The following SEC24D variants were observed in gnomAD, a reference collection of about 807,000 sequenced individuals.
The protein encoded by SEC24D is protein transport protein Sec24D.
A neutral mutation model predicts 116.9 loss-of-function variants in SEC24D; 69 were observed. The ratio of observed to expected loss-of-function variants is 0.59; its 90% CI spans 0.49 to 0.72. The LOEUF (loss-of-function observed/expected upper bound fraction) is 0.72. Ranked by LOEUF, SEC24D falls within the 30% of genes least tolerant of loss-of-function variation. The probability of loss-of-function intolerance (pLI) is 0.00; values close to 1 mark genes in which losing one functional copy is unlikely to be tolerated. For missense variants in SEC24D, 1,131 were observed against 1,264.1 expected (o/e 0.89, Z 1.60); for synonymous variants, 405 against 442.8 (o/e 0.91, Z 1.07).
chr4:118,777,720 CCCA>C (rs1364459282), intron 8 of SEC24D, among the ~76,000 whole-genome samples: 5 of 152,220 alleles, frequency 3.3e-5, no homozygotes, highest in Admixed American at 3.3e-4. Flanking sequence ...AGTTTACACT[CCCA>C]CCAACAGTGT....
rs1302160296 is a variant in SEC24D at position 118,739,139 on chromosome 4, A to G, written c.2377+10T>C. ...AGGTTTACTGAACCTCAGGATTGGC[A>G]AAGTGTTACCTGACTTGGCAAAGAA... is the stretch of plus-strand genomic sequence containing the variant. On this transcript the variant is annotated intron_variant, in intron 18 of 22. Coordinates refer to ENST00000280551, the MANE Select transcript of SEC24D (RefSeq NM_014822.4). 5 of 1,612,964 alleles carry G rather than the reference A, an allele frequency of 3.1e-6. No homozygotes were observed. Among genetic ancestry groups the G allele is most frequent in the Non-Finnish European group, 4.2e-6 (5 of 1,179,282 alleles).
intron 2 of SEC24D, chr4:118,833,365 C>T (rs1333565083): frequency 7.3e-6 from 3 of 408,512 alleles, no homozygotes; most frequent in Non-Finnish European, 1.3e-5. Flanking sequence ...TTGTTTTAGT[C>T]TATATTTAAA....
At chr4:118,759,657 C>G (rs1322813929) in intron 10 of SEC24D, among the ~76,000 whole-genome samples, 1 of 152,172 alleles carries the variant, frequency 6.6e-6, no homozygotes, top group Non-Finnish European at 1.5e-5. Flanking sequence ...CACTTTGGCT[C>G]TCTTAGCTGC....
intron 8 of SEC24D, among the ~76,000 whole-genome samples, chr4:118,793,569 G>A (rs910615046): frequency 3.3e-5 from 5 of 151,070 alleles, no homozygotes; most frequent in African/African-American, 1.2e-4. Context: ...ATTCCCTAAT[G>A]TTGGTGGCTC....
chr4:118,726,630 C>T (rs1345092736), intron 22 of SEC24D, among the ~76,000 whole-genome samples: 1 of 151,852 alleles, frequency 6.6e-6, no homozygotes, highest in Non-Finnish European at 1.5e-5. Flanking sequence ...GGAAAAGGGC[C>T]AATGGGAAAG....
chr4:118,791,367 G>A lies in SEC24D; in HGVS notation c.1041+6316C>T, dbSNP rs576225917. 6.6e-5 allele frequency among the ~76,000 whole-genome samples: 10 copies of A among 152,222 alleles called. No individual in the cohort carries two copies. The South Asian group carries it at 2.1e-3, about 32-fold the overall frequency. On this transcript the variant is annotated intron_variant, in intron 8 of 22. Coordinates refer to ENST00000280551, the MANE Select transcript of SEC24D (RefSeq NM_014822.4). ...GCACTTTAGACACCAGAGTCTCTGT[G>A]GTTTTGCATCCTAGCTTTGCTATTT...
chr4:118,803,661 G>A (rs1177272604), intron 7 of SEC24D, among the ~76,000 whole-genome samples: 1 of 152,146 alleles, frequency 6.6e-6, no homozygotes, highest in Non-Finnish European at 1.5e-5. Context: ...TTTCTGAATA[G>A]AGGCAGTGAA....
At chr4:118,835,786 G>T (rs1055000183) in intron 1 of SEC24D, among the ~76,000 whole-genome samples, 155 bp downstream of exon 1, 1 of 152,196 alleles carries the variant, frequency 6.6e-6, no homozygotes, top group Non-Finnish European at 1.5e-5. Flanking sequence ...GCACTAGAAG[G>T]CTAAAGAACA....
At chr4:118,794,453 G>C (rs1323108101) in intron 8 of SEC24D, among the ~76,000 whole-genome samples, 1 of 152,122 alleles carries the variant, frequency 6.6e-6, no homozygotes, top group Non-Finnish European at 1.5e-5. Context: ...TTAACAAGGT[G>C]CAGCCAAAAC....
intron 19 of SEC24D, 140 bp from the exon 20 acceptor site, chr4:118,733,052 C>G (rs1440576796): frequency 4.5e-6 from 3 of 671,066 alleles, no homozygotes; most frequent in Non-Finnish European, 7.6e-6. Context: ...TGTAAAACAC[C>G]TAGAGCACAC....
chr4:118,835,974 G>C lies in SEC24D; in HGVS notation c.-75C>G, dbSNP rs1731080130. 6.6e-6 allele frequency: 1 copy of C among 152,190 alleles called. No homozygotes were observed. Among genetic ancestry groups the C allele is most frequent in the African/African-American group, 2.4e-5 (1 of 41,440 alleles). 9.4% of individuals were successfully genotyped at this position (152,190 alleles called of 1,614,324 possible). Reference sequence around the variant, plus strand: ...GCTCCCGCACCCCGCGGGCTTCCGAGCGCTGGCGGCTCTGCGCCTAGTGCC... The same window carrying C: ...GCTCCCGCACCCCGCGGGCTTCCGACCGCTGGCGGCTCTGCGCCTAGTGCC... On this transcript the variant is annotated 5_prime_UTR_variant, in exon 1 of 23. Coordinates refer to ENST00000280551, the MANE Select transcript of SEC24D (RefSeq NM_014822.4).
chr4:118,743,232 T>A (rs1726323542), intron 15 of SEC24D, among the ~76,000 whole-genome samples: 1 of 152,126 alleles, frequency 6.6e-6, no homozygotes, highest in Non-Finnish European at 1.5e-5. Flanking sequence ...AATATATTTT[T>A]CTCCATTATG....
rs1433083224 is a variant in SEC24D, at chr4:118,738,314, G to A, written c.2443C>T (p.His815Tyr). 6.2e-7 allele frequency: 1 copy of A among 1,613,454 alleles called. No homozygotes were observed. The highest frequency in any genetic ancestry group is 8.5e-7 in the Non-Finnish European group (1 of 1,179,616). ...TTCTTCCGGTAACATGCCAACATAT[G>A]GGCAGTCTGATTAACTAGAATTTCC... ...IREILVNQTAHMLACYRKNCA... is the reference protein window; with the variant it reads ...IREILVNQTAYMLACYRKNCA... Residue 815 changes from histidine (H) to tyrosine (Y), a missense_variant, in exon 19 of 23, where the codon CAT becomes TAT. Transcript: ENST00000280551.
intron 19 of SEC24D, chr4:118,736,613 A>C (rs1284245053): frequency 7.5e-6 from 2 of 266,454 alleles, no homozygotes; most frequent in Non-Finnish European, 1.5e-5. Flanking sequence ...TCTGAAGAGA[A>C]CATTAAGTCC....
Position 118,722,983 on chromosome 4 carries a change from A to G in SEC24D, c.*532T>C, listed in dbSNP as rs1170438416. The G allele has an allele frequency of 6.6e-6, 1 of 152,588 alleles. No individual in the cohort carries two copies. The highest frequency in any genetic ancestry group is 1.5e-5 in the Non-Finnish European group (1 of 68,028). 9.5% of individuals were successfully genotyped at this position (152,588 alleles called of 1,614,324 possible). On this transcript the variant is annotated 3_prime_UTR_variant, in exon 23 of 23. Transcript: ENST00000280551. Reference sequence around the variant, plus strand: ...TTAACATACACAATATATAATTATGAAAAAAATGTAGAACACATATTGTTC... The same window carrying G: ...TTAACATACACAATATATAATTATGGAAAAAATGTAGAACACATATTGTTC...
chr4:118,778,331 C>G (rs1198352453), intron 8 of SEC24D, among the ~76,000 whole-genome samples: 1 of 152,176 alleles, frequency 6.6e-6, no homozygotes, highest in African/African-American at 2.4e-5. Flanking sequence ...ATATGGCTAG[C>G]CAGTTTTCTC....
intron 6 of SEC24D, among the ~76,000 whole-genome samples, chr4:118,808,023 G>A (rs554245320): frequency 6.6e-6 from 1 of 152,280 alleles, no homozygotes; most frequent in Non-Finnish European, 1.5e-5. Context: ...GTGCAGTGGT[G>A]TGAAGGGGGT....
At chr4:118,830,254 A>C (rs1730788282) in intron 2 of SEC24D, among the ~76,000 whole-genome samples, 1 of 152,216 alleles carries the variant, frequency 6.6e-6, no homozygotes, top group Non-Finnish European at 1.5e-5. Context: ...TTAATCCAAC[A>C]AAGACAGCTT....
chr4:118,832,692 A>G (rs1041952903), intron 2 of SEC24D, among the ~76,000 whole-genome samples: 7 of 152,228 alleles, frequency 4.6e-5, no homozygotes, highest in Non-Finnish European at 7.3e-5. Flanking sequence ...ACTGCATAGC[A>G]TTGTATGAGG....
Sources: allele counts gnomAD v4.1 joint callset (sites outside exome capture counted in the v4.1 genomes callset), GRCh38; gene constraint gnomAD v4.1.1; transcripts MANE v1.5; gene names NCBI Gene and HGNC (gene_info 2026-07-23, HGNC 2026-07-21).